The following TMEM132C variants were observed in gnomAD, a reference collection of about 807,000 sequenced individuals.
The protein encoded by TMEM132C is protein phosphatase 1, regulatory subunit 152.
Under a neutral mutation model 61.4 loss-of-function variants are expected in TMEM132C, and 29 were observed. The ratio of observed to expected loss-of-function variants is 0.47; its 90% confidence interval spans 0.35 to 0.64. The LOEUF is 0.64. TMEM132C is among the 30% of genes least tolerant of loss of function. The probability of loss-of-function intolerance (pLI) is 0.00; values close to 1 mark genes in which losing one functional copy is unlikely to be tolerated. For missense variants in TMEM132C, 1,408 were observed against 1,476.9 expected (o/e 0.95, Z 0.76); for synonymous variants, 656 against 633.1 (o/e 1.04, Z -0.54).
chr12:128,559,892 C>T (rs576453115), intron 3 of TMEM132C, among the ~76,000 whole-genome samples: 27 of 152,156 alleles, frequency 1.8e-4, no homozygotes, highest in Admixed American at 8.5e-4. Flanking sequence ...CTCTCTAGTT[C>T]CACTCTTTCC....
At chr12:128,473,333 GT>G (rs1214079381) in intron 2 of TMEM132C, among the ~76,000 whole-genome samples, 28 of 2,432 alleles carry the variant, frequency 0.012, no homozygotes, top group African/African-American at 0.036. Flanking sequence ...TTCATCTTCA[GT>G]CCAGCCTCCT....
chr12:128,456,620 C>T (rs1266821589), intron 2 of TMEM132C, among the ~76,000 whole-genome samples: 1 of 151,630 alleles, frequency 6.6e-6, no homozygotes, highest in Non-Finnish European at 1.5e-5. Context: ...GTTACCCAGG[C>T]CAGTTGCAAA....
intron 3 of TMEM132C, among the ~76,000 whole-genome samples, chr12:128,599,126 C>T (rs1266459037): frequency 6.6e-6 from 1 of 152,112 alleles, no homozygotes; most frequent in African/African-American, 2.4e-5. Context: ...GCAGCTCCCA[C>T]AGGGAAACTC....
At chr12:128,407,378 T>A (rs1875381379) in intron 1 of TMEM132C, among the ~76,000 whole-genome samples, 2 of 152,200 alleles carry the variant, frequency 1.3e-5, no homozygotes, top group Non-Finnish European at 2.9e-5. Context: ...CTCGGGTATT[T>A]CTTCATAGCA....
At chr12:128,529,595 T>A (rs957717268) in intron 2 of TMEM132C, among the ~76,000 whole-genome samples, 1 of 152,006 alleles carries the variant, frequency 6.6e-6, no homozygotes, top group Non-Finnish European at 1.5e-5. Flanking sequence ...ACCAGCCTGA[T>A]CAAAATGGTG....
chr12:128,289,601 AGGT>A (rs1871194136), intron 1 of TMEM132C, among the ~76,000 whole-genome samples: 1 of 152,196 alleles, frequency 6.6e-6, no homozygotes, highest in African/African-American at 2.4e-5. Flanking sequence ...TAGGCCCAAG[AGGT>A]GTATTTAACG....
At chr12:128,572,493 G>A (rs543252358) in intron 3 of TMEM132C, among the ~76,000 whole-genome samples, 72 of 151,848 alleles carry the variant, frequency 4.7e-4, no homozygotes, top group Middle Eastern at 6.8e-3. Flanking sequence ...CTGGGCCTGC[G>A]TCACATGGCC....
intron 2 of TMEM132C, among the ~76,000 whole-genome samples, chr12:128,505,156 T>C (rs971973566): frequency 1.3e-5 from 2 of 152,088 alleles, no homozygotes; most frequent in African/African-American, 4.8e-5. Flanking sequence ...CAGGGCTCAT[T>C]GGGAAGGAGA....
chr12:128,421,958 A>G (rs1398178078), intron 2 of TMEM132C, among the ~76,000 whole-genome samples: 3 of 152,250 alleles, frequency 2.0e-5, no homozygotes, highest in Non-Finnish European at 4.4e-5. Flanking sequence ...CATTTATTGA[A>G]TAAATGCAAA....
intron 2 of TMEM132C, chr12:128,438,909 G>C (rs1162947860): frequency 6.6e-6 from 1 of 152,150 alleles, no homozygotes; most frequent in Non-Finnish European, 1.5e-5. Flanking sequence ...ATGTAAGCCT[G>C]AGCAGACTTC....
intron 1 of TMEM132C, among the ~76,000 whole-genome samples, chr12:128,289,559 C>T (rs1871192701): frequency 6.6e-6 from 1 of 152,184 alleles, no homozygotes; most frequent in South Asian, 2.1e-4. Context: ...CACACACTCA[C>T]AACACATTTT....
chr12:128,492,448 C>G (rs1871773755), intron 2 of TMEM132C, among the ~76,000 whole-genome samples: 1 of 152,184 alleles, frequency 6.6e-6, no homozygotes, highest in Non-Finnish European at 1.5e-5. Context: ...GATGGTTGAC[C>G]TAATTTACAC....
chr12:128,340,813 C>G (rs1186406648), intron 1 of TMEM132C, among the ~76,000 whole-genome samples: 1 of 131,824 alleles, frequency 7.6e-6, no homozygotes, highest in Non-Finnish European at 1.6e-5. Context: ...CTTTCTTTCT[C>G]TCTTTCTTTC....
intron 4 of TMEM132C, among the ~76,000 whole-genome samples, chr12:128,633,422 G>A (rs1954078163): frequency 1.3e-5 from 2 of 152,156 alleles, no homozygotes; most frequent in Admixed American, 1.3e-4. Flanking sequence ...TTTGCTCACA[G>A]TCCCTCACAA....
intron 3 of TMEM132C, among the ~76,000 whole-genome samples, chr12:128,576,146 T>C (rs960856685): frequency 4.0e-5 from 6 of 151,880 alleles, no homozygotes; most frequent in African/African-American, 1.5e-4. Context: ...TCCCAGCTAC[T>C]CGGGAGGGTG....
At chr12:128,495,971 C>T (rs547391512) in intron 2 of TMEM132C, among the ~76,000 whole-genome samples, 8 of 152,182 alleles carry the variant, frequency 5.3e-5, no homozygotes, top group South Asian at 2.1e-4. Context: ...TGGCTAGTAC[C>T]GGTTGTTTCT....
At chr12:128,467,908 G>GGTTTATA (rs1459488515) in intron 2 of TMEM132C, among the ~76,000 whole-genome samples, 2 of 152,194 alleles carry the variant, frequency 1.3e-5, no homozygotes, top group East Asian at 3.8e-4. Flanking sequence ...GCCCTCATGA[G>GGTTTATA]GTTTATAGTC....
intron 5 of TMEM132C, among the ~76,000 whole-genome samples, chr12:128,686,105 TGCATG>T (rs1954674203): frequency 8.2e-6 from 1 of 122,582 alleles, no homozygotes; most frequent in Admixed American, 9.0e-5. Context: ...CGCATGTGTG[TGCATG>T]TGTGTGTGCA....
chr12:128,555,006 C>A (rs932479960), intron 3 of TMEM132C, among the ~76,000 whole-genome samples: 4 of 152,156 alleles, frequency 2.6e-5, no homozygotes, highest in Admixed American at 2.6e-4. Context: ...CTCTCCTGTT[C>A]TTCCCCCTCC....
Sources: gnomAD v4.1 joint callset for allele counts (sites outside exome capture counted in the v4.1 genomes callset) on GRCh38, gnomAD v4.1.1 for gene constraint, MANE v1.5 for transcripts, NCBI Gene and HGNC (gene_info 2026-07-23, HGNC 2026-07-21) for gene names.